LRRC18: variants seen among roughly 807,000 people sequenced by gnomAD.
LRRC18 encodes the protein leucine rich repeat containing 18.
LRRC18 carries 12 observed loss-of-function variants against 11.2 expected under a neutral mutation model. The ratio of observed to expected loss-of-function variants is 1.07; its 90% CI spans 0.69 to 1.74. The LOEUF is 1.74. LRRC18 is among the 40% of genes most tolerant of loss of function. LRRC18 has a pLI of 0.00. For synonymous variants in LRRC18, 155 were observed against 130.6 expected, an observed-to-expected ratio of 1.19 and a Z score of -1.27; for missense variants, 374 against 330.5, an observed-to-expected ratio of 1.13 and a Z score of -1.02.
At chr10:48,920,263 C>T in the LRRC18 span, among the ~76,000 whole-genome samples, 6 of 150,830 alleles carry the variant, frequency 4.0e-5, 1 homozygote, top group African/African-American at 9.8e-5. Context: ...AAAGCTAGAG[C>T]GGACAAAAAA....
chr10:48,931,269 G>A, the LRRC18 span, among the ~76,000 whole-genome samples: 1 of 152,224 alleles, frequency 6.6e-6, no homozygotes, highest in Non-Finnish European at 1.5e-5. Context: ...TGGGCAGCAG[G>A]TGGAGAGTCT....
chr10:48,930,411 C>T, the LRRC18 span, among the ~76,000 whole-genome samples: 13 of 152,140 alleles, frequency 8.5e-5, no homozygotes, highest in African/African-American at 1.9e-4. Context: ...GATGATGGCA[C>T]GACGGATTGT....
the LRRC18 span, among the ~76,000 whole-genome samples, chr10:48,923,734 T>C: frequency 6.6e-6 from 1 of 152,036 alleles, no homozygotes; most frequent in East Asian, 1.9e-4. Context: ...GTTGAAATAG[T>C]TCAAATCTAG....
chr10:48,920,123 G>GA, the LRRC18 span, among the ~76,000 whole-genome samples: 35 of 148,562 alleles, frequency 2.4e-4, no homozygotes, highest in South Asian at 8.5e-4. Context: ...AGACTAAAAA[G>GA]AAAAAAAAAA....
the LRRC18 span, among the ~76,000 whole-genome samples, chr10:48,939,587 A>G: frequency 6.6e-6 from 1 of 152,236 alleles, no homozygotes; most frequent in African/African-American, 2.4e-5. Flanking sequence ...TTACATGATA[A>G]TGATGGATGA....
At chr10:48,910,614 C>A (rs1039508680) in intron 1 of LRRC18, among the ~76,000 whole-genome samples, 2 of 152,162 alleles carry the variant, frequency 1.3e-5, no homozygotes, top group African/African-American at 2.4e-5. Flanking sequence ...CATTTCCTGG[C>A]TAAAGAGGTG....
intron 1 of LRRC18, 115 bp from the exon 4 acceptor site, chr10:48,910,373 A>G: frequency 1.1e-6 from 1 of 890,982 alleles, no homozygotes; most frequent in East Asian, 2.4e-5. Context: ...CAGGATGGTC[A>G]GGTTAGTGTG....
At chr10:48,933,897 G>C in the LRRC18 span, among the ~76,000 whole-genome samples, 8 of 152,004 alleles carry the variant, frequency 5.3e-5, no homozygotes, top group Non-Finnish European at 1.2e-4. Flanking sequence ...CTTGATACTG[G>C]GTAACAGTGA....
chr10:48,915,019 A>G (rs972088243), upstream of LRRC18, among the ~76,000 whole-genome samples: 4 of 152,224 alleles, frequency 2.6e-5, no homozygotes, highest in East Asian at 1.9e-4. Flanking sequence ...CAGAATGTCA[A>G]TGTGATGTGA....
the LRRC18 span, among the ~76,000 whole-genome samples, chr10:48,933,982 A>T: frequency 6.6e-6 from 1 of 152,096 alleles, no homozygotes; most frequent in East Asian, 1.9e-4. Flanking sequence ...GCAGACAACC[A>T]CAGGGCTCAG....
the LRRC18 span, among the ~76,000 whole-genome samples, chr10:48,930,835 A>G: frequency 1.3e-5 from 2 of 152,230 alleles, no homozygotes; most frequent in African/African-American, 2.4e-5. Context: ...AAAATGCTGA[A>G]GATGTCATGT....
exon 1 of LRRC18, chr10:48,914,136 C>A (rs7094610): frequency 0.34 from 547,504 of 1,613,084 alleles, 99,512 homozygotes; most frequent in East Asian, 0.74. Context: ...GCCCTTGGGG[C>A]CTTTCTCACC....
chr10:48,932,111 T>C, the LRRC18 span, among the ~76,000 whole-genome samples: 16 of 152,318 alleles, frequency 1.1e-4, no homozygotes, highest in Non-Finnish European at 1.5e-4. Context: ...CTCTGCAAAA[T>C]GGATTGGTCA....
the LRRC18 span, among the ~76,000 whole-genome samples, chr10:48,925,289 A>C: frequency 6.6e-6 from 1 of 152,060 alleles, no homozygotes; most frequent in Admixed American, 6.5e-5. Flanking sequence ...GCTCCCTCTA[A>C]AGAGAGGCGG....
the LRRC18 span, among the ~76,000 whole-genome samples, chr10:48,929,681 A>G: frequency 6.6e-6 from 1 of 152,122 alleles, no homozygotes; most frequent in African/African-American, 2.4e-5. Flanking sequence ...CCAATTCTGG[A>G]CTCACTTAGC....
chr10:48,939,342 G>C, the LRRC18 span, among the ~76,000 whole-genome samples: 1 of 152,170 alleles, frequency 6.6e-6, no homozygotes, highest in African/African-American at 2.4e-5. Context: ...TGGTCTCACT[G>C]GCTCTCCCAC....
At chr10:48,935,454 T>A in the LRRC18 span, among the ~76,000 whole-genome samples, 4 of 152,250 alleles carry the variant, frequency 2.6e-5, no homozygotes, top group Admixed American at 6.5e-5. Context: ...AGAGCCCCTG[T>A]CTATGGCAAC....
At chr10:48,932,912 G>A in the LRRC18 span, among the ~76,000 whole-genome samples, 2 of 152,144 alleles carry the variant, frequency 1.3e-5, no homozygotes, top group Non-Finnish European at 2.9e-5. Context: ...GGTGTAAGCT[G>A]GAGGTCAAGG....
chr10:48,929,065 C>G, the LRRC18 span, among the ~76,000 whole-genome samples: 1 of 152,066 alleles, frequency 6.6e-6, no homozygotes, highest in Non-Finnish European at 1.5e-5. Flanking sequence ...GGAAGATGCG[C>G]TTTTTTAGAA....
Sources: allele counts gnomAD v4.1 joint callset (sites outside exome capture counted in the v4.1 genomes callset), GRCh38; gene constraint gnomAD v4.1.1; transcripts MANE v1.5; gene names NCBI Gene and HGNC (gene_info 2026-07-23, HGNC 2026-07-21).